The following CLEC3A variants were observed in gnomAD, a reference collection of about 807,000 sequenced individuals.
CLEC3A encodes the protein C-type lectin domain family 3 member A, also known as C-type (calcium dependent, carbohydrate-recognition domain) lectin, superfamily member 1 (cartilage-derived).
A neutral mutation model predicts 20.4 loss-of-function variants in CLEC3A; 28 were observed. That is an observed-to-expected ratio of 1.37 (90% confidence interval 1.02 to 1.88). The LOEUF (loss-of-function observed/expected upper bound fraction) is 1.88, where lower values mean the gene tolerates loss of function less well. Among genes scored for constraint, CLEC3A ranks in the 40% most tolerant of loss-of-function variants. The probability of loss-of-function intolerance (pLI) is 0.00; values close to 1 mark genes in which losing one functional copy is unlikely to be tolerated. For missense variants in CLEC3A, 357 were observed against 240.4 expected (o/e 1.48, Z -3.21); for synonymous variants, 110 against 88.1 (o/e 1.25, Z -1.39).
At position 78,022,735 on chromosome 16, in the gene CLEC3A, G is replaced by C. The variant is rs754518138; in HGVS notation, c.109G>C (p.Val37Leu). 6 of 1,614,162 alleles carry C rather than the reference G, an allele frequency of 3.7e-6. No homozygotes were observed. The highest frequency in any genetic ancestry group is 1.6e-4 in the Middle Eastern group (1 of 6,062). The change falls in exon 1 of 3, where the codon GTG becomes CTG. Residue 37 changes from valine (V) to leucine (L), a missense_variant. Val to Leu is a conservative substitution (Grantham distance 32). Coordinates refer to ENST00000299642, the MANE Select transcript of CLEC3A (RefSeq NM_005752.6). ...AGCCAGGAAGCACAGCAAACGTCGAGTGAGAGGTAATGGGGCTTCTCAATC... is the reference window on the plus strand; with the variant it reads ...AGCCAGGAAGCACAGCAAACGTCGACTGAGAGGTAATGGGGCTTCTCAATC... Reference protein sequence around the residue: ...LKARKHSKRRVRDKDGDLKTQ... With the variant: ...LKARKHSKRRLRDKDGDLKTQ...
chr16:78,030,550 C>T lies in CLEC3A; in HGVS notation c.303C>T (p.Ile101=). 1 of 1,614,158 alleles carries T rather than the reference C, an allele frequency of 6.2e-7. No individual in the cohort carries two copies. The highest frequency in any genetic ancestry group is 8.5e-7 in the Non-Finnish European group (1 of 1,180,032). The change falls in exon 3 of 3, where the codon ATC becomes ATT. Residue 101 remains isoleucine (I), a synonymous_variant. Transcript: ENST00000299642. ...ANEDCISKGG[I]LVIPRNSDEI... ...AAGACTGCATTTCCAAAGGAGGAAT[C>T]CTGGTTATCCCCAGGAACTCCGACG...
At chr16:78,028,944 A>G (rs962778014) in intron 2 of CLEC3A, 8 of 339,032 alleles carry the variant, frequency 2.4e-5, no homozygotes, top group South Asian at 4.7e-5. Context: ...CAAGGGTGAC[A>G]TACTCCCTTT....
At chr16:78,030,151 T>TG (rs2030048378) in intron 2 of CLEC3A, among the ~76,000 whole-genome samples, 2 of 11,146 alleles carry the variant, frequency 1.8e-4, no homozygotes, top group Non-Finnish European at 5.6e-4. Context: ...AGACTCCAAC[T>TG]CAAAAAAAAA....
In CLEC3A at chr16:78,022,749, G is replaced by C; in HGVS notation, c.115+8G>C. The C allele has an allele frequency of 6.2e-7, 1 of 1,613,272 alleles. No individual in the cohort carries two copies. Among genetic ancestry groups the C allele is most frequent in the African/African-American group, 1.3e-5 (1 of 74,396 alleles). ...GCAAACGTCGAGTGAGAGGTAATGG[G>C]GCTTCTCAATCAAGCAAAATTCTAG... On this transcript the variant is annotated splice_region_variant and intron_variant, in intron 1 of 2. Coordinates refer to ENST00000299642, the MANE Select transcript of CLEC3A (RefSeq NM_005752.6).
chr16:78,031,707 A>G lies in CLEC3A; in HGVS notation c.*866A>G, dbSNP rs997428500. 6.6e-6 allele frequency: 1 copy of G among 152,164 alleles called. No homozygotes were observed. The highest frequency in any genetic ancestry group is 1.5e-5 in the Non-Finnish European group (1 of 68,024). The allele number at this position is 152,164 out of a possible 1,614,324, so 9.4% of individuals were successfully genotyped here. A position where few individuals can be genotyped will look rare whatever the true frequency, so the allele number is the denominator to read the frequency against. The stretch of plus-strand genomic sequence containing the variant: ...TACATTTCCTTTTTTACATTTTCGT[A>G]TACTTATTTTTTTTAGCCATCATTA... On this transcript the variant is annotated 3_prime_UTR_variant, in exon 3 of 3. Coordinates refer to ENST00000299642, the MANE Select transcript of CLEC3A (RefSeq NM_005752.6).
rs1403988339 is a variant in CLEC3A at position 78,027,309 on chromosome 16, T to G, written c.116-798T>G. On this transcript the variant is annotated intron_variant, in intron 1 of 2. Coordinates refer to ENST00000299642, the MANE Select transcript of CLEC3A (RefSeq NM_005752.6). ...AGACTAGAGAATGAAGAAAAATAAG[T>G]TTCAAAGACAGATTAGCAGAAGGGA... Among the ~76,000 whole-genome samples, 15 of 152,172 alleles carry G rather than the reference T, an allele frequency of 9.9e-5. No individual in the cohort carries two copies. In the East Asian group the frequency reaches 2.9e-3, roughly 29 times the overall value.
At chr16:78,026,330 T>A (rs2056846) in intron 1 of CLEC3A, among the ~76,000 whole-genome samples, 1 of 151,952 alleles carries the variant, frequency 6.6e-6, no homozygotes, top group African/African-American at 2.4e-5. Flanking sequence ...GTACAGAACA[T>A]AGACTTCCTC....
At chr16:78,028,035 C>A in intron 1 of CLEC3A, 72 bp from the exon 2 acceptor site, 2 of 1,089,548 alleles carry the variant, frequency 1.8e-6, no homozygotes, top group South Asian at 1.3e-5. Context: ...GTCCTACATT[C>A]CAAAGCTTGA....
rs567279917 is a variant in CLEC3A, at chr16:78,023,191, A to G, written c.115+450A>G. On this transcript the variant is annotated intron_variant, in intron 1 of 2. Transcript: ENST00000299642. The stretch of plus-strand genomic sequence containing the variant: ...TCTTATTCAATGTGTAGCAGAGGAT[A>G]GAGATTTTGGTAATGGTGACTTCCT... Among the ~76,000 whole-genome samples the G allele has an allele frequency of 1.5e-4, 23 of 152,356 alleles. No homozygotes were observed. In the South Asian group the frequency reaches 4.1e-3, roughly 27 times the overall value.
intron 1 of CLEC3A, among the ~76,000 whole-genome samples, chr16:78,027,438 G>A (rs2029956867): frequency 6.6e-6 from 1 of 152,124 alleles, no homozygotes. Context: ...CTAGCAGAAG[G>A]AACACACAGG....
At chr16:78,029,439 G>A (rs2030019616) in intron 2 of CLEC3A, among the ~76,000 whole-genome samples, 1 of 152,108 alleles carries the variant, frequency 6.6e-6, no homozygotes, top group South Asian at 2.1e-4. Flanking sequence ...CGCAATCTCG[G>A]CTCACTGCAA....
chr16:78,028,093 A>G lies in CLEC3A; in HGVS notation c.116-14A>G. 6.3e-7 allele frequency: 1 copy of G among 1,599,434 alleles called. No individual in the cohort carries two copies. Among genetic ancestry groups the G allele is most frequent in the East Asian group, 2.2e-5 (1 of 44,740 alleles). On this transcript the variant is annotated splice_polypyrimidine_tract_variant and intron_variant, in intron 1 of 2. Coordinates refer to ENST00000299642, the MANE Select transcript of CLEC3A (RefSeq NM_005752.6). Reference sequence around the variant, plus strand: ...TCATCCACCTACCCCATCCCACCCTAAAATTTTCCCCAGACAAGGATGGAG... The same window carrying G: ...TCATCCACCTACCCCATCCCACCCTGAAATTTTCCCCAGACAAGGATGGAG...
intron 2 of CLEC3A, among the ~76,000 whole-genome samples, chr16:78,030,165 A>AC (rs951996821): frequency 2.2e-4 from 34 of 151,754 alleles, no homozygotes; most frequent in African/African-American, 7.5e-4. Flanking sequence ...AAAAAAAAAA[A>AC]AAAAAATGCT....
Position 78,023,959 on chromosome 16 carries a change from G to A in CLEC3A, c.115+1218G>A, listed in dbSNP as rs544686707. On this transcript the variant is annotated intron_variant, in intron 1 of 2. Transcript: ENST00000299642. ...TTTTTAGTAGAGACGAGGTTTCGCCGTGTTAGCCAGGATGGTCTCGATCTC... is the reference window on the plus strand; with the variant it reads ...TTTTTAGTAGAGACGAGGTTTCGCCATGTTAGCCAGGATGGTCTCGATCTC... Among the ~76,000 whole-genome samples, 17 of 151,968 alleles carry A rather than the reference G, an allele frequency of 1.1e-4. No homozygotes were observed. In the East Asian group the frequency reaches 1.6e-3, roughly 14 times the overall value.
chr16:78,024,060 G>C (rs1270654267), intron 1 of CLEC3A, among the ~76,000 whole-genome samples: 1 of 152,126 alleles, frequency 6.6e-6, no homozygotes, highest in Non-Finnish European at 1.5e-5. Flanking sequence ...CCCGGCTAGT[G>C]CAAGGTTTCT....
intron 1 of CLEC3A, among the ~76,000 whole-genome samples, chr16:78,025,710 G>A (rs992841986): frequency 1.3e-5 from 2 of 152,162 alleles, no homozygotes; most frequent in Non-Finnish European, 2.9e-5. Flanking sequence ...TTTATGTGTT[G>A]CATTCATGAA....
intron 1 of CLEC3A, among the ~76,000 whole-genome samples, chr16:78,023,782 G>C (rs1218616743): frequency 1.4e-5 from 2 of 148,036 alleles, no homozygotes; most frequent in East Asian, 4.0e-4. Context: ...TTCTGAGACA[G>C]AGTCTCGCTC....
intron 2 of CLEC3A, among the ~76,000 whole-genome samples, chr16:78,030,068 G>C (rs576052429): frequency 6.6e-6 from 1 of 151,116 alleles, no homozygotes; most frequent in Non-Finnish European, 1.5e-5. Flanking sequence ...CGGGAGAATG[G>C]CGTGAATCCG....
chr16:78,026,991 A>G (rs951854238), intron 1 of CLEC3A, among the ~76,000 whole-genome samples: 1 of 152,222 alleles, frequency 6.6e-6, no homozygotes, highest in African/African-American at 2.4e-5. Context: ...CAGTCAGAGT[A>G]TGAATTCTGC....
Sources: allele counts gnomAD v4.1 joint callset (sites outside exome capture counted in the v4.1 genomes callset), GRCh38; gene constraint gnomAD v4.1.1; transcripts MANE v1.5; gene names NCBI Gene and HGNC (gene_info 2026-07-23, HGNC 2026-07-21).